Variants in CDK7 observed in about 807,000 individuals in gnomAD.
CDK7 encodes the protein cyclin-dependent kinase 7.
A neutral mutation model predicts 49.1 loss-of-function variants in CDK7; 25 were observed. The observed-to-expected ratio is 0.51, with a 90% CI of 0.37 to 0.71. The LOEUF (loss-of-function observed/expected upper bound fraction) is 0.71, where lower values mean the gene tolerates loss of function less well. Among genes scored for constraint, CDK7 ranks in the 30% least tolerant of loss-of-function variants. The pLI is 0.00. For missense variants in CDK7, 316 were observed against 411.7 expected, an observed-to-expected ratio of 0.77 and a Z score of 2.01; for synonymous variants, 107 against 140.0, an observed-to-expected ratio of 0.76 and a Z score of 1.67.
At chr5:69,254,743 C>A in intron 4 of CDK7, 74 bp downstream of exon 4, 1 of 818,360 alleles carries the variant, frequency 1.2e-6, no homozygotes. Flanking sequence ...TGATTAAAGG[C>A]TCAGCAAGAT....
chr5:69,246,020 C>T (rs191446767), intron 2 of CDK7, among the ~76,000 whole-genome samples: 1 of 152,232 alleles, frequency 6.6e-6, no homozygotes, highest in East Asian at 1.9e-4. Context: ...GCATTTTCTG[C>T]CTGGCATGTA....
At chr5:69,258,531 C>T (rs962905758) in intron 6 of CDK7, among the ~76,000 whole-genome samples, 7 of 151,982 alleles carry the variant, frequency 4.6e-5, no homozygotes, top group African/African-American at 1.7e-4. Flanking sequence ...CAGGTGCCCG[C>T]CACCACGCCC....
At chr5:69,276,052 C>G (rs888423786) in intron 10 of CDK7, among the ~76,000 whole-genome samples, 2 of 151,734 alleles carry the variant, frequency 1.3e-5, no homozygotes, top group African/African-American at 2.4e-5. Context: ...TTTTTTGATA[C>G]GGAGCCTTGC....
intron 2 of CDK7, among the ~76,000 whole-genome samples, chr5:69,250,171 T>C (rs1016285644): frequency 6.6e-6 from 1 of 152,250 alleles, no homozygotes; most frequent in Non-Finnish European, 1.5e-5. Context: ...GTCAGGTATT[T>C]ATTATAGTCT....
At chr5:69,249,015 C>T (rs1049287400) in intron 2 of CDK7, among the ~76,000 whole-genome samples, 5 of 152,016 alleles carry the variant, frequency 3.3e-5, no homozygotes, top group African/African-American at 1.2e-4. Context: ...GTACCTATTT[C>T]TGCATTTGGG....
chr5:69,262,785 G>A (rs1238667801), intron 8 of CDK7, among the ~76,000 whole-genome samples: 4 of 152,040 alleles, frequency 2.6e-5, no homozygotes, highest in Admixed American at 2.6e-4. Context: ...ATTTTTTAAT[G>A]TTAATATGAA....
rs1297441822 is a variant in CDK7 at position 69,276,600 on chromosome 5, C to G, written c.922C>G (p.Pro308Ala). The change falls in exon 11 of 12, where the codon CCA becomes GCA. Residue 308 changes from proline to alanine, a missense_variant. Coordinates refer to ENST00000256443, the MANE Select transcript of CDK7 (RefSeq NM_001799.4). ...RPGPTPGCQL[P>A]RPNCPVETLK... ...AGGGCCAACACCTGGATGTCAGCTG[C>G]CAAGACCAAACTGTCCAGTGGAAAC... 6.2e-7 allele frequency: 1 copy of G among 1,613,864 alleles called. No individual in the cohort carries two copies. The highest frequency in any genetic ancestry group is 1.3e-5 in the African/African-American group (1 of 75,048).
chr5:69,235,821 A>T lies in CDK7; in HGVS notation c.126+368A>T, dbSNP rs1471318439. Among the ~76,000 whole-genome samples, 3 of 152,168 alleles carry T rather than the reference A, an allele frequency of 2.0e-5. No homozygotes were observed. In the East Asian group the frequency reaches 5.8e-4, roughly 29 times the overall value. On this transcript the variant is annotated intron_variant, in intron 2 of 11. Coordinates refer to ENST00000256443, the MANE Select transcript of CDK7 (RefSeq NM_001799.4). The stretch of plus-strand genomic sequence containing the variant: ...TCGTATCTGTATTTTCTGTGTACGG[A>T]TTTACCATGAAAGACTTTCACTAGC...
chr5:69,256,124 A>G (rs544007635), intron 5 of CDK7: 2 of 152,594 alleles, frequency 1.3e-5, no homozygotes, highest in Admixed American at 6.5e-5. Flanking sequence ...CTAGCAACCT[A>G]TAAGAATTTA....
At chr5:69,244,730 G>A (rs1188236844) in intron 2 of CDK7, among the ~76,000 whole-genome samples, 1 of 150,660 alleles carries the variant, frequency 6.6e-6, no homozygotes, top group Admixed American at 6.6e-5. Context: ...GTACTATATT[G>A]AATAACAGTG....
intron 2 of CDK7, among the ~76,000 whole-genome samples, chr5:69,250,392 C>T (rs530488482): frequency 6.6e-6 from 1 of 152,244 alleles, no homozygotes; most frequent in South Asian, 2.1e-4. Flanking sequence ...TATTACCAGA[C>T]TCTGTATTAC....
At chr5:69,250,710 T>C (rs1206313513) in intron 2 of CDK7, 1 of 456,586 alleles carries the variant, frequency 2.2e-6, no homozygotes, top group Non-Finnish European at 4.4e-6. Context: ...CAAGACAGAA[T>C]CTCCTTTACT....
At chr5:69,274,071 C>T (rs973011647) in intron 10 of CDK7, among the ~76,000 whole-genome samples, 1 of 152,078 alleles carries the variant, frequency 6.6e-6, no homozygotes, top group African/African-American at 2.4e-5. Flanking sequence ...TTCACTCATA[C>T]TTCTATGTAT....
At chr5:69,265,116 T>A (rs1751062313) in intron 8 of CDK7, among the ~76,000 whole-genome samples, 3 of 151,644 alleles carry the variant, frequency 2.0e-5, no homozygotes, top group Non-Finnish European at 4.4e-5. Flanking sequence ...ACAAAAAAAA[T>A]TAGCTAGGCG....
rs781290895 is a variant in CDK7 at position 69,276,680 on chromosome 5, C to T, written c.1002C>T (p.Ala334=). Residue 334 remains alanine, a synonymous_variant, in exon 11 of 12, where the codon GCC becomes GCT. Coordinates refer to ENST00000256443, the MANE Select transcript of CDK7 (RefSeq NM_001799.4). The part of the protein sequence containing the change: ...ALAIKRKRTE[A]LEQGGLPKKL... ...CAATAAAAAGGAAAAGAACAGAGGC[C>T]TTAGAACAAGGTAAGATTCCCACTT... is the stretch of plus-strand genomic sequence containing the variant. The T allele has an allele frequency of 1.9e-6, 3 of 1,613,134 alleles. No homozygotes were observed. The South Asian group carries it at 3.3e-5, about 18-fold the overall frequency.
At chr5:69,261,160 T>C (rs887879403) in intron 7 of CDK7, among the ~76,000 whole-genome samples, 1 of 152,112 alleles carries the variant, frequency 6.6e-6, no homozygotes, top group African/African-American at 2.4e-5. Context: ...TTCTTCCAAA[T>C]AGATGTCACT....
At chr5:69,248,793 TTTTTTTTTC>T (rs1749927277) in intron 2 of CDK7, among the ~76,000 whole-genome samples, 1 of 130,526 alleles carries the variant, frequency 7.7e-6, no homozygotes, top group African/African-American at 3.0e-5. Flanking sequence ...TTCTTTTCTT[TTTTTTTTTC>T]TTTTTTTTTT....
intron 2 of CDK7, among the ~76,000 whole-genome samples, chr5:69,242,510 T>C (rs530893349): frequency 6.6e-6 from 1 of 152,340 alleles, no homozygotes; most frequent in South Asian, 2.1e-4. Flanking sequence ...ATAGTGATGT[T>C]ATCTATAGGA....
chr5:69,239,157 C>T (rs1324120486), intron 2 of CDK7, among the ~76,000 whole-genome samples: 5 of 152,128 alleles, frequency 3.3e-5, no homozygotes, highest in Admixed American at 3.3e-4. Context: ...GTATCACAAC[C>T]ATCAGCTTTA....
Sources: gnomAD v4.1 joint callset for allele counts (sites outside exome capture counted in the v4.1 genomes callset) on GRCh38, gnomAD v4.1.1 for gene constraint, MANE v1.5 for transcripts, NCBI Gene and HGNC (gene_info 2026-07-23, HGNC 2026-07-21) for gene names.